Variants in LRRIQ3 observed in about 807,000 individuals in gnomAD.
LRRIQ3 encodes the protein leucine rich repeats and IQ motif containing 3.
LRRIQ3 carries 75 observed loss-of-function variants against 59.3 expected under a neutral mutation model. That is an observed-to-expected ratio of 1.26 (90% CI 1.05 to 1.53). LRRIQ3 has a LOEUF of 1.53. LRRIQ3 is among the 40% of genes most tolerant of loss of function. The pLI is 0.00. For missense variants in LRRIQ3, 831 were observed against 710.0 expected (o/e 1.17, Z -1.94); for synonymous variants, 250 against 231.3 (o/e 1.08, Z -0.73).
At chr1:74,091,991 A>C (rs1392489840) in intron 5 of LRRIQ3, among the ~76,000 whole-genome samples, 1 of 135,524 alleles carries the variant, frequency 7.4e-6, no homozygotes, top group African/African-American at 2.6e-5. Context: ...CCTTCCTTGC[A>C]GCTGAATGTA....
Position 74,155,824 on chromosome 1 carries a change from T to G in LRRIQ3, c.616A>C (p.Thr206Pro). Residue 206 changes from threonine (T) to proline (P), a missense_variant, in exon 4 of 8, where the codon ACT becomes CCT. Thr to Pro is a conservative substitution (Grantham distance 38). Transcript: ENST00000354431. Reference protein sequence around the residue: ...EEEINNIKHITSKINAILAHN... With the variant: ...EEEINNIKHIPSKINAILAHN... ...GCCAGAATTGCATTAATTTTTGAAGTAATATGTTTAATATTATTAATTTCC... is the reference window on the plus strand; with the variant it reads ...GCCAGAATTGCATTAATTTTTGAAGGAATATGTTTAATATTATTAATTTCC... The G allele has an allele frequency of 6.4e-7, 1 of 1,560,470 alleles. No homozygotes were observed. Among genetic ancestry groups the G allele is most frequent in the Non-Finnish European group, 8.7e-7 (1 of 1,152,112 alleles).
chr1:74,107,942 T>A (rs901233572), intron 5 of LRRIQ3, among the ~76,000 whole-genome samples: 16 of 151,742 alleles, frequency 1.1e-4, no homozygotes, highest in African/African-American at 3.9e-4. Flanking sequence ...ACATTCTTTA[T>A]AATAAATTTA....
intron 3 of LRRIQ3, among the ~76,000 whole-genome samples, chr1:74,167,215 T>A (rs1570245838): frequency 6.6e-6 from 1 of 151,712 alleles, no homozygotes; most frequent in East Asian, 1.9e-4. Flanking sequence ...CAAATGCCCA[T>A]CAATCAACAA....
At chr1:74,183,878 A>C (rs1481457085) in intron 1 of LRRIQ3, among the ~76,000 whole-genome samples, 194 bp from the exon 2 acceptor site, 1 of 152,050 alleles carries the variant, frequency 6.6e-6, no homozygotes, top group Non-Finnish European at 1.5e-5. Context: ...AGCCAATCAG[A>C]ATGTTATCAC....
intron 6 of LRRIQ3, among the ~76,000 whole-genome samples, chr1:74,042,342 ACT>A (rs1171217629): frequency 1.3e-5 from 2 of 152,102 alleles, no homozygotes; most frequent in Non-Finnish European, 2.9e-5. Flanking sequence ...AATTTAGAAA[ACT>A]CTGCGTAATA....
Position 74,197,393 on chromosome 1 carries a change from TTC to T in LRRIQ3, c.-1+601_-1+602del, listed in dbSNP as rs201749320. Among the ~76,000 whole-genome samples the T allele has an allele frequency of 2.6e-3, 393 of 152,322 alleles. 2 individuals carry two copies. The highest frequency in any genetic ancestry group is 9.2e-3 in the African/African-American group (382 of 41,560). ...TTGTGATACCTTGACTAACTCACTATTCTCTGATTCAGTTTTCTTCTGTGTAA... is the reference window on the plus strand; with the variant it reads ...TTGTGATACCTTGACTAACTCACTATTCTGATTCAGTTTTCTTCTGTGTAA... On this transcript the variant is annotated intron_variant, in intron 1 of 7. Transcript: ENST00000354431.
chr1:74,176,969 GGC>G (rs1400172678), intron 3 of LRRIQ3, among the ~76,000 whole-genome samples: 1 of 152,098 alleles, frequency 6.6e-6, no homozygotes, highest in African/African-American at 2.4e-5. Flanking sequence ...TTGCTGCATG[GGC>G]GAATGTGAGA....
At chr1:74,119,187 T>A (rs914102723) in intron 4 of LRRIQ3, among the ~76,000 whole-genome samples, 6 of 152,114 alleles carry the variant, frequency 3.9e-5, no homozygotes, top group Admixed American at 2.0e-4. Flanking sequence ...GCAATATAAT[T>A]CCCTTTCTCT....
At chr1:74,053,547 G>A (rs960723146) in intron 6 of LRRIQ3, among the ~76,000 whole-genome samples, 1 of 152,016 alleles carries the variant, frequency 6.6e-6, no homozygotes, top group Non-Finnish European at 1.5e-5. Flanking sequence ...TGAGCAAGGG[G>A]CTGGGTGCAC....
intron 3 of LRRIQ3, among the ~76,000 whole-genome samples, chr1:74,174,248 T>C (rs946517254): frequency 6.6e-6 from 1 of 151,970 alleles, no homozygotes; most frequent in Non-Finnish European, 1.5e-5. Flanking sequence ...CTGGACACTT[T>C]CAAATGACCT....
At chr1:74,096,279 C>G (rs972999114) in intron 5 of LRRIQ3, among the ~76,000 whole-genome samples, 8 of 152,176 alleles carry the variant, frequency 5.3e-5, no homozygotes, top group Non-Finnish European at 1.0e-4. Context: ...AAGGAAAATA[C>G]TGTTTTAGTA....
At chr1:74,071,011 CTA>C (rs1655010336) in intron 6 of LRRIQ3, among the ~76,000 whole-genome samples, 2 of 134,868 alleles carry the variant, frequency 1.5e-5, no homozygotes, top group Non-Finnish European at 3.2e-5. Flanking sequence ...CTTGTCTTTG[CTA>C]TATATACATA....
Position 74,085,925 on chromosome 1 carries a change from T to C in LRRIQ3, c.868-11135A>G, listed in dbSNP as rs372959608. ...TCTAATAATGGAATCTCTCACAATA[T>C]GCAGCCATGGTTTGCTTCTGAGAAA... On this transcript the variant is annotated intron_variant, in intron 5 of 7. Transcript: ENST00000354431. 2.6e-5 allele frequency among the ~76,000 whole-genome samples: 4 copies of C among 152,194 alleles called. No individual in the cohort carries two copies. The South Asian group carries it at 8.3e-4, about 32-fold the overall frequency.
At chr1:74,170,644 T>C (rs1453575741) in intron 3 of LRRIQ3, among the ~76,000 whole-genome samples, 1 of 152,166 alleles carries the variant, frequency 6.6e-6, no homozygotes, top group Non-Finnish European at 1.5e-5. Flanking sequence ...TTGCTTAAGA[T>C]TGTTTTGGCT....
At chr1:74,187,968 C>T (rs921638953) in intron 1 of LRRIQ3, among the ~76,000 whole-genome samples, 2 of 152,074 alleles carry the variant, frequency 1.3e-5, no homozygotes, top group African/African-American at 2.4e-5. Flanking sequence ...GACACATATA[C>T]GTATGTTCAC....
rs1320326577 is a variant in LRRIQ3 at position 74,196,547 on chromosome 1, CAT to C, written c.-1+1447_-1+1448del. 3.9e-5 allele frequency among the ~76,000 whole-genome samples: 6 copies of C among 152,280 alleles called. No homozygotes were observed. The East Asian group carries it at 7.7e-4, about 20-fold the overall frequency. On this transcript the variant is annotated intron_variant, in intron 1 of 7. Transcript: ENST00000354431. ...TTCCATTACATATTCACTGCATACA[CAT>C]GTCTCTTTATTCCACATGTCCAAAA...
intron 1 of LRRIQ3, among the ~76,000 whole-genome samples, chr1:74,189,195 T>C (rs1045540824): frequency 1.3e-5 from 2 of 152,120 alleles, no homozygotes; most frequent in Admixed American, 6.6e-5. Flanking sequence ...ATGTCATCTA[T>C]CCATGTGTGT....
chr1:74,169,642 C>A (rs1649201754), intron 3 of LRRIQ3, among the ~76,000 whole-genome samples: 1 of 152,060 alleles, frequency 6.6e-6, no homozygotes, highest in South Asian at 2.1e-4. Flanking sequence ...GCCTCAAACT[C>A]CTGGACTCAA....
intron 6 of LRRIQ3, among the ~76,000 whole-genome samples, chr1:74,056,175 A>G (rs1235068736): frequency 3.3e-5 from 5 of 151,204 alleles, no homozygotes; most frequent in Non-Finnish European, 7.4e-5. Flanking sequence ...ATAAATAAAT[A>G]AATAAATAAA....
Sources: allele counts gnomAD v4.1 joint callset (sites outside exome capture counted in the v4.1 genomes callset), GRCh38; gene constraint gnomAD v4.1.1; transcripts MANE v1.5; gene names NCBI Gene and HGNC (gene_info 2026-07-23, HGNC 2026-07-21).